CEP85L: variants seen among roughly 807,000 people sequenced by gnomAD.
The protein encoded by CEP85L is centrosomal protein of 85 kDa-like.
In CEP85L, 60 loss-of-function variants were observed where a neutral mutation model predicts 100.3. That is an observed-to-expected ratio of 0.60 (90% confidence interval 0.49 to 0.74). The LOEUF is 0.74. CEP85L is among the 30% of genes least tolerant of loss of function. The pLI, the probability that CEP85L is intolerant of heterozygous loss-of-function variation, is 0.00. For missense variants in CEP85L, 973 were observed against 936.2 expected, an observed-to-expected ratio of 1.04 and a Z score of -0.51; for synonymous variants, 319 against 322.7, an observed-to-expected ratio of 0.99 and a Z score of 0.12.
chr6:118,651,536 C>G lies in CEP85L; in HGVS notation c.-267G>C, dbSNP rs1775561808. 1 of 1,260,400 alleles carries G rather than the reference C, an allele frequency of 7.9e-7. No homozygotes were observed. Among genetic ancestry groups the G allele is most frequent in the South Asian group, 2.6e-5 (1 of 38,716 alleles). The allele number at this position is 1,260,400 out of a possible 1,614,324, so 78.1% of individuals were successfully genotyped here. On this transcript the variant is annotated 5_prime_UTR_variant, in exon 1 of 13. Transcript: ENST00000368491. The stretch of plus-strand genomic sequence containing the variant: ...GACTCGGCGGTGACGGCTGCTAGAT[C>G]CCCGGCTGAGCCCAGGCTCAAAGGC...
At chr6:118,591,936 CAA>C (rs1221180037) in intron 2 of CEP85L, among the ~76,000 whole-genome samples, 3 of 152,104 alleles carry the variant, frequency 2.0e-5, no homozygotes, top group Non-Finnish European at 2.9e-5. Context: ...AGATAAGGAA[CAA>C]AGTTACTTGA....
At chr6:118,600,166 T>C (rs919492896) in intron 2 of CEP85L, among the ~76,000 whole-genome samples, 3 of 151,988 alleles carry the variant, frequency 2.0e-5, no homozygotes, top group African/African-American at 7.2e-5. Context: ...ATATTCTCCC[T>C]CACAGGAGAT....
rs541733168 is a variant in CEP85L, at chr6:118,550,723, C to A, written c.1020+14806G>T. On this transcript the variant is annotated intron_variant, in intron 3 of 12. Transcript: ENST00000368491. The stretch of plus-strand genomic sequence containing the variant: ...GCATGGCTTAAAGTAAACCATGACA[C>A]TGACAAACAAAATTTGAAAGCCCCC... 2.6e-5 allele frequency among the ~76,000 whole-genome samples: 4 copies of A among 151,956 alleles called. 1 individual carries two copies. Among genetic ancestry groups the A allele is most frequent in the African/African-American group, 9.6e-5 (4 of 41,532 alleles).
intron 3 of CEP85L, among the ~76,000 whole-genome samples, chr6:118,528,578 T>C (rs558763626): frequency 6.6e-6 from 1 of 152,306 alleles, no homozygotes; most frequent in South Asian, 2.1e-4. Context: ...TAGTCTTCCT[T>C]ACTAAACTTA....
intron 2 of CEP85L, among the ~76,000 whole-genome samples, chr6:118,629,193 G>T (rs1773989988): frequency 6.6e-6 from 1 of 152,108 alleles, no homozygotes; most frequent in South Asian, 2.1e-4. Flanking sequence ...TCTATATAAA[G>T]GACTTGAGCA....
rs114309647 is a variant in CEP85L at position 118,542,211 on chromosome 6, A to G, written c.1021-18291T>C. Among the ~76,000 whole-genome samples the G allele has an allele frequency of 3.3e-3, 500 of 152,294 alleles. 3 individuals carry two copies. The highest frequency in any genetic ancestry group is 0.012 in the African/African-American group (487 of 41,578). On this transcript the variant is annotated intron_variant, in intron 3 of 12. Coordinates refer to ENST00000368491, the MANE Select transcript of CEP85L (RefSeq NM_001042475.3). ...TAAGACATTAAAATTTGTAACATAT[A>G]TTTTTAATAAACAGCACACAAAAAT...
rs1774587865 is a variant in CEP85L, at chr6:118,491,739, G to A, written c.1384C>T (p.Leu462Phe). Residue 462 changes from leucine to phenylalanine, a missense_variant, in exon 6 of 13, where the codon CTC becomes TTC. By Grantham distance (22) the Leu-to-Phe change is conservative. Around this residue, in one of 3 missense-constraint regions of CEP85L, gnomAD observed 890 missense variants for 844.5 expected, o/e 1.05. Coordinates refer to ENST00000368491, the MANE Select transcript of CEP85L (RefSeq NM_001042475.3). ...EKEVLQLNEF[L>F]KQRLSLFSEE... ...CTAAATAGGCTTAGTCTTTGTTTGA[G>A]AAACTCATTAAGCTGTAAAACTTCT... 1.2e-6 allele frequency: 2 copies of A among 1,613,012 alleles called. No homozygotes were observed. Among genetic ancestry groups the A allele is most frequent in the East Asian group, 2.2e-5 (1 of 44,812 alleles).
chr6:118,503,962 T>G (rs932760024), intron 5 of CEP85L, among the ~76,000 whole-genome samples: 1 of 151,894 alleles, frequency 6.6e-6, no homozygotes, highest in African/African-American at 2.4e-5. Flanking sequence ...AAAAACTTTT[T>G]CCCTCCAAAA....
chr6:118,591,845 A>G (rs941126372), intron 2 of CEP85L, among the ~76,000 whole-genome samples: 1 of 152,204 alleles, frequency 6.6e-6, no homozygotes, highest in African/African-American at 2.4e-5. Context: ...ACAGAGCTAT[A>G]ATGACATTAT....
At chr6:118,588,900 G>A (rs926375479) in intron 2 of CEP85L, among the ~76,000 whole-genome samples, 13 of 152,130 alleles carry the variant, frequency 8.5e-5, no homozygotes, top group South Asian at 2.1e-4. Flanking sequence ...GGAAGTAGCC[G>A]GAAAGAGTCA....
chr6:118,554,988 C>A (rs995260747), intron 3 of CEP85L, among the ~76,000 whole-genome samples: 9 of 152,326 alleles, frequency 5.9e-5, no homozygotes, highest in African/African-American at 2.2e-4. Context: ...CCTCCTTTCC[C>A]ATGTTTTGTC....
rs770700397 is a variant in CEP85L at position 118,565,636 on chromosome 6, G to A, written c.913C>T (p.Arg305Trp). The A allele has an allele frequency of 9.3e-6, 15 of 1,614,062 alleles. No individual in the cohort carries two copies. The Admixed American group carries it at 1.0e-4, about 11-fold the overall frequency. Residue 305 changes from arginine to tryptophan, a missense_variant, in exon 3 of 13, where the codon CGG (arginine) becomes TGG (tryptophan). Physicochemically the swap from Arg to Trp is moderately radical, Grantham distance 101. Transcript: ENST00000368491. Reference sequence around the variant, plus strand: ...TTTCTACCTTCCAAAGGATTTGTCCGCAGCTGCTCTGTAAGCCACATCTGA... The same window carrying A: ...TTTCTACCTTCCAAAGGATTTGTCCACAGCTGCTCTGTAAGCCACATCTGA... ...RTQMWLTEQL[R>W]TNPLEGRNTE... is the part of the protein sequence containing the mutation.
Position 118,511,402 on chromosome 6 carries a change from TTTG to T in CEP85L, c.1150_1152del (p.Gln384del). On this transcript the variant is annotated inframe_deletion, in exon 5 of 13. Coordinates refer to ENST00000368491, the MANE Select transcript of CEP85L (RefSeq NM_001042475.3). Reference sequence around the variant, plus strand: ...CTTATCCTCTCATGCAGGTGGGTAATTTGTTGCTTCTGCCTGCAAAACATAAAT... The same window carrying T: ...CTTATCCTCTCATGCAGGTGGGTAATTTGCTTCTGCCTGCAAAACATAAAT... The T allele has an allele frequency of 1.9e-6, 3 of 1,611,092 alleles. No homozygotes were observed. Among genetic ancestry groups the T allele is most frequent in the Non-Finnish European group, 2.5e-6 (3 of 1,177,828 alleles).
At chr6:118,514,792 G>A (rs1776173885) in intron 4 of CEP85L, among the ~76,000 whole-genome samples, 1 of 151,800 alleles carries the variant, frequency 6.6e-6, no homozygotes, top group South Asian at 2.1e-4. Flanking sequence ...ATTAATATTA[G>A]TAGAAGCAGA....
rs1554228034 is a variant in CEP85L, at chr6:118,600,296, T to TGGGGGGGGGG, written c.232+32156_232+32157insCCCCCCCCCC. Among the ~76,000 whole-genome samples, 3 of 34,174 alleles carry TGGGGGGGGGG rather than the reference T, an allele frequency of 8.8e-5. 1 individual carries two copies. Among genetic ancestry groups the TGGGGGGGGGG allele is most frequent in the Admixed American group, 7.5e-4 (2 of 2,660 alleles). The allele number at this position is 34,174 out of a possible 152,430, so 22.4% of individuals were successfully genotyped here. On this transcript the variant is annotated intron_variant, in intron 2 of 12. Coordinates refer to ENST00000368491, the MANE Select transcript of CEP85L (RefSeq NM_001042475.3). ...AGTACTGCCTGTCCCTGAGCCTTCC[T>TGGGGGGGGGG]GGGGGTGTGTGTGTGTGTGTGTGTG...
At chr6:118,540,055 T>C (rs1437337639) in intron 3 of CEP85L, among the ~76,000 whole-genome samples, 1 of 150,738 alleles carries the variant, frequency 6.6e-6, no homozygotes. Flanking sequence ...CCGATGTCTT[T>C]TTTTTTTTTT....
At chr6:118,550,999 T>A (rs1395509130) in intron 3 of CEP85L, among the ~76,000 whole-genome samples, 2 of 151,740 alleles carry the variant, frequency 1.3e-5, no homozygotes, top group East Asian at 1.9e-4. Context: ...TTAAAAAAAA[T>A]AACACACCCC....
chr6:118,567,249 G>GTA (rs57181233), intron 2 of CEP85L, among the ~76,000 whole-genome samples: 149 of 43,748 alleles, frequency 3.4e-3, no homozygotes, highest in Non-Finnish European at 4.3e-3. Context: ...GTGTGTGTGT[G>GTA]TATATATATA....
At chr6:118,490,075 C>G (rs913689776) in intron 6 of CEP85L, among the ~76,000 whole-genome samples, 2 of 151,940 alleles carry the variant, frequency 1.3e-5, no homozygotes, top group Non-Finnish European at 2.9e-5. Flanking sequence ...ATGGATGGCT[C>G]TGGGGGATAT....
Sources: allele counts gnomAD v4.1 joint callset (sites outside exome capture counted in the v4.1 genomes callset), GRCh38; gene constraint gnomAD v4.1.1; regional missense constraint gnomAD v4.1.1; transcripts MANE v1.5; gene names NCBI Gene and HGNC (gene_info 2026-07-23, HGNC 2026-07-21).